The following PDZRN4 variants were observed in gnomAD, a reference collection of about 807,000 sequenced individuals.
PDZRN4 encodes PDZ domain containing ring finger 4.
A neutral mutation model predicts 99.0 loss-of-function variants in PDZRN4; 70 were observed. That is an observed-to-expected ratio of 0.71 (90% confidence interval 0.58 to 0.86). The LOEUF (loss-of-function observed/expected upper bound fraction) is 0.86, where lower values mean the gene tolerates loss of function less well. Ranked by LOEUF, PDZRN4 falls within the 40% of genes least tolerant of loss-of-function variation. The pLI is 0.00. For missense variants in PDZRN4, 1,474 were observed against 1,331.2 expected (o/e 1.11, Z -1.67); for synonymous variants, 551 against 501.6 (o/e 1.10, Z -1.32).
intron 3 of PDZRN4, among the ~76,000 whole-genome samples, chr12:41,502,174 G>A (rs755188079): frequency 2.0e-5 from 3 of 151,750 alleles, no homozygotes; most frequent in Admixed American, 6.6e-5. Context: ...GAATCCAATC[G>A]TCCCACCCTG....
intron 3 of PDZRN4, among the ~76,000 whole-genome samples, chr12:41,262,711 C>T (rs1249597564): frequency 6.8e-6 from 1 of 146,744 alleles, no homozygotes; most frequent in Non-Finnish European, 1.5e-5. Flanking sequence ...AGAGAAAACT[C>T]AAGGGGAAAC....
At chr12:41,318,943 G>T (rs569981529) in intron 3 of PDZRN4, among the ~76,000 whole-genome samples, 19 of 152,118 alleles carry the variant, frequency 1.2e-4, no homozygotes, top group African/African-American at 4.3e-4. Flanking sequence ...ATCATGTAAA[G>T]TTCCTTGTAC....
chr12:41,425,731 C>CT (rs1952530320), intron 3 of PDZRN4, among the ~76,000 whole-genome samples: 1 of 152,130 alleles, frequency 6.6e-6, no homozygotes, highest in South Asian at 2.1e-4. Flanking sequence ...TATGCAAATA[C>CT]TGTGTAGTTG....
chr12:41,207,321 T>C (rs1470076939), intron 3 of PDZRN4, among the ~76,000 whole-genome samples: 1 of 151,784 alleles, frequency 6.6e-6, no homozygotes, highest in Non-Finnish European at 1.5e-5. Flanking sequence ...TTCCCAGACA[T>C]ACAGCTGGCA....
intron 3 of PDZRN4, among the ~76,000 whole-genome samples, chr12:41,306,501 A>G (rs924835305): frequency 6.6e-6 from 1 of 152,054 alleles, no homozygotes; most frequent in Admixed American, 6.6e-5. Flanking sequence ...CTAGCTGGCA[A>G]TGTTTCGACT....
chr12:41,412,705 T>A (rs1158762936), intron 3 of PDZRN4, among the ~76,000 whole-genome samples: 1 of 152,172 alleles, frequency 6.6e-6, no homozygotes, highest in East Asian at 1.9e-4. Flanking sequence ...AATTACTAAA[T>A]ATTGATTTAA....
chr12:41,424,561 T>C (rs1292647073), intron 3 of PDZRN4, among the ~76,000 whole-genome samples: 2 of 152,212 alleles, frequency 1.3e-5, no homozygotes, highest in African/African-American at 4.8e-5. Flanking sequence ...ATTGAATTTT[T>C]TCATGCTAAC....
chr12:41,517,835 C>T (rs1373932896), intron 5 of PDZRN4, among the ~76,000 whole-genome samples: 1 of 152,028 alleles, frequency 6.6e-6, no homozygotes. Context: ...CACATGGCCT[C>T]ACACTGGTCT....
intron 3 of PDZRN4, among the ~76,000 whole-genome samples, chr12:41,301,687 T>C (rs984228346): frequency 6.6e-6 from 1 of 152,120 alleles, no homozygotes; most frequent in East Asian, 1.9e-4. Flanking sequence ...AAACAACTTT[T>C]TTTTTCCTTT....
At chr12:41,546,303 A>G (rs1218320070) in intron 5 of PDZRN4, among the ~76,000 whole-genome samples, 9 of 152,146 alleles carry the variant, frequency 5.9e-5, no homozygotes, top group African/African-American at 1.7e-4. Flanking sequence ...AACTCTGCCA[A>G]TGCTTTTTAT....
intron 3 of PDZRN4, among the ~76,000 whole-genome samples, chr12:41,457,141 C>T (rs1257952986): frequency 6.6e-6 from 1 of 152,104 alleles, no homozygotes; most frequent in Non-Finnish European, 1.5e-5. Flanking sequence ...ATTTCTCAAT[C>T]TTTTAATTCT....
intron 3 of PDZRN4, among the ~76,000 whole-genome samples, chr12:41,254,309 C>T (rs1951190117): frequency 6.6e-6 from 1 of 151,854 alleles, no homozygotes; most frequent in Admixed American, 6.6e-5. Context: ...TTAATCTTCC[C>T]CAAATACCCA....
intron 3 of PDZRN4, among the ~76,000 whole-genome samples, chr12:41,381,966 G>T (rs1295277455): frequency 6.6e-6 from 1 of 152,082 alleles, no homozygotes; most frequent in African/African-American, 2.4e-5. Flanking sequence ...CTCTTATTTG[G>T]TAGGGCCACC....
rs5017172 is a variant in PDZRN4, at chr12:41,191,785, T to G, written c.735+241T>G. Among the ~76,000 whole-genome samples, 31 of 150,396 alleles carry G rather than the reference T, an allele frequency of 2.1e-4. No individual in the cohort carries two copies. In the East Asian group the frequency reaches 2.5e-3, roughly 12 times the overall value. ...ATTTATTTATTTATTTATTTATTTA[T>G]TTTGTTTGTTTGTTTGAGACAGAGT... is the stretch of plus-strand genomic sequence containing the variant. On this transcript the variant is annotated intron_variant, in intron 2 of 9. Coordinates refer to ENST00000402685, the MANE Select transcript of PDZRN4 (RefSeq NM_001164595.2).
intron 3 of PDZRN4, among the ~76,000 whole-genome samples, chr12:41,436,699 C>T (rs1026426707): frequency 1.3e-5 from 2 of 152,126 alleles, no homozygotes; most frequent in African/African-American, 2.4e-5. Flanking sequence ...CTTTAAGGGA[C>T]AAAAACTGCC....
rs1950711076 is a variant in PDZRN4, at chr12:41,188,719, C to T, written c.264C>T (p.Cys88=). 4 of 1,556,104 alleles carry T rather than the reference C, an allele frequency of 2.6e-6. No homozygotes were observed. The highest frequency in any genetic ancestry group is 2.6e-6 in the Non-Finnish European group (3 of 1,161,936). The part of the protein sequence containing the change: ...RVQCDYRARG[C]GHSVRLHELE... ...AGTGCGACTACCGCGCCCGCGGCTGCGGCCACTCGGTCAGGCTGCACGAGC... is the reference window on the plus strand; with the variant it reads ...AGTGCGACTACCGCGCCCGCGGCTGTGGCCACTCGGTCAGGCTGCACGAGC... The change falls in exon 1 of 10, where the codon TGC becomes TGT. Residue 88 remains cysteine (C), a synonymous_variant. Transcript: ENST00000402685.
chr12:41,526,636 CTTT>C (rs547535085), intron 5 of PDZRN4, among the ~76,000 whole-genome samples: 1 of 152,050 alleles, frequency 6.6e-6, no homozygotes, highest in Non-Finnish European at 1.5e-5. Context: ...TTTTTCACTG[CTTT>C]TTAAGTTTCA....
rs1346306756 is a variant in PDZRN4, at chr12:41,188,844, G to C, written c.389G>C (p.Arg130Pro). ...SGLGGGEVPA[R>P]GGCGPTPRAG... ...CTGGGCGGTGGTGAGGTGCCCGCGC[G>C]GGGGGGCTGCGGTCCGACACCCAGG... The change falls in exon 1 of 10, where the codon CGG (arginine) becomes CCG (proline). Residue 130 changes from arginine to proline, a missense_variant. By Grantham distance (103) the Arg-to-Pro change is moderately radical (BLOSUM62 -2). Transcript: ENST00000402685. The C allele has an allele frequency of 1.0e-5, 13 of 1,263,392 alleles. No individual in the cohort carries two copies. Among genetic ancestry groups the C allele is most frequent in the Admixed American group, 4.3e-5 (1 of 23,052 alleles). 78.3% of individuals were successfully genotyped at this position (1,263,392 alleles called of 1,614,324 possible).
At chr12:41,201,031 C>T (rs558525203) in intron 3 of PDZRN4, among the ~76,000 whole-genome samples, 1 of 152,026 alleles carries the variant, frequency 6.6e-6, no homozygotes, top group South Asian at 2.1e-4. Flanking sequence ...TGTTTTCTAC[C>T]CTCAGCAAAA....
Sources: gnomAD v4.1 joint callset for allele counts (sites outside exome capture counted in the v4.1 genomes callset) on GRCh38, gnomAD v4.1.1 for gene constraint, MANE v1.5 for transcripts, NCBI Gene and HGNC (gene_info 2026-07-23, HGNC 2026-07-21) for gene names.